STK32A: variants seen among roughly 807,000 people sequenced by gnomAD.
STK32A encodes serine/threonine kinase 32A, also known as serine/threonine-protein kinase 32A.
A neutral mutation model predicts 53.2 loss-of-function variants in STK32A; 41 were observed. That is an observed-to-expected ratio of 0.77 (90% CI 0.60 to 1.00). The LOEUF (loss-of-function observed/expected upper bound fraction) is 1.00, where lower values mean the gene tolerates loss of function less well. Among genes scored for constraint, STK32A ranks in the 50% least tolerant of loss-of-function variants. The pLI, the probability that STK32A is intolerant of heterozygous loss-of-function variation, is 0.00. For missense variants in STK32A, 458 were observed against 485.8 expected, an observed-to-expected ratio of 0.94 and a Z score of 0.54; for synonymous variants, 166 against 162.8, an observed-to-expected ratio of 1.02 and a Z score of -0.15.
At chr5:147,401,369 T>C in the STK32A span, among the ~76,000 whole-genome samples, 1 of 152,210 alleles carries the variant, frequency 6.6e-6, no homozygotes, top group Non-Finnish European at 1.5e-5. Flanking sequence ...TAAAACAGGA[T>C]GGGGAAGAGC....
At chr5:147,333,018 C>T (rs1754947953) in intron 5 of STK32A, among the ~76,000 whole-genome samples, 2 of 152,150 alleles carry the variant, frequency 1.3e-5, no homozygotes, top group Non-Finnish European at 2.9e-5. Flanking sequence ...TTAATGGCTT[C>T]GTTAATATGC....
intron 8 of STK32A, among the ~76,000 whole-genome samples, chr5:147,362,087 C>T (rs1186194117): frequency 6.6e-6 from 1 of 152,080 alleles, no homozygotes; most frequent in African/African-American, 2.4e-5. Flanking sequence ...GAGTCATTTC[C>T]TTTTAAAGGA....
At chr5:147,320,841 A>G (rs905340890) in intron 4 of STK32A, among the ~76,000 whole-genome samples, 27 of 152,196 alleles carry the variant, frequency 1.8e-4, no homozygotes, top group African/African-American at 6.5e-4. Context: ...TGGAAGGAAA[A>G]GATCTTCAAG....
chr5:147,288,426 T>A (rs1365112640), intron 4 of STK32A, among the ~76,000 whole-genome samples: 1 of 152,204 alleles, frequency 6.6e-6, no homozygotes, highest in East Asian at 1.9e-4. Flanking sequence ...TGTGAGTGTA[T>A]TAGTCAGTTC....
At chr5:147,254,172 T>C (rs948474885) in intron 2 of STK32A, among the ~76,000 whole-genome samples, 1 of 152,182 alleles carries the variant, frequency 6.6e-6, no homozygotes, top group Non-Finnish European at 1.5e-5. Context: ...ACATGTTATA[T>C]CTGCAACAAC....
At chr5:147,248,639 A>G (rs1753855599) in intron 2 of STK32A, among the ~76,000 whole-genome samples, 1 of 152,212 alleles carries the variant, frequency 6.6e-6, no homozygotes, top group Admixed American at 6.5e-5. Flanking sequence ...GAAATTGTCA[A>G]TATATTTCTG....
intron 4 of STK32A, among the ~76,000 whole-genome samples, chr5:147,307,430 G>A (rs1348560419): frequency 6.6e-6 from 1 of 151,872 alleles, no homozygotes; most frequent in African/African-American, 2.4e-5. Context: ...AGACAAGCCT[G>A]GCCAACATGG....
At position 147,282,549 on chromosome 5, in the gene STK32A, AC is replaced by A. The variant is rs201440997; in HGVS notation, c.260+3153del. On this transcript the variant is annotated intron_variant, in intron 4 of 12. Coordinates refer to ENST00000397936, the MANE Select transcript of STK32A (RefSeq NM_001112724.2). Reference sequence around the variant, plus strand: ...ACTATGTGCTGCCTTCAGGAGACTCACCTAGTACATAAGTACTCACATAAAC... The same window carrying A: ...ACTATGTGCTGCCTTCAGGAGACTCACTAGTACATAAGTACTCACATAAAC... Among the ~76,000 whole-genome samples, 135 of 152,314 alleles carry A rather than the reference AC, an allele frequency of 8.9e-4. 1 individual carries two copies. The East Asian group carries it at 0.023, about 26-fold the overall frequency.
At chr5:147,286,907 C>T (rs1404159260) in intron 4 of STK32A, among the ~76,000 whole-genome samples, 4 of 152,038 alleles carry the variant, frequency 2.6e-5, no homozygotes, top group Non-Finnish European at 4.4e-5. Flanking sequence ...ATGAACTGCA[C>T]GGGAGGAACT....
chr5:147,312,266 A>ATT (rs200386971), intron 4 of STK32A, among the ~76,000 whole-genome samples: 7 of 151,360 alleles, frequency 4.6e-5, no homozygotes, highest in Non-Finnish European at 8.8e-5. Context: ...TGCCCAGCTA[A>ATT]TTTTTTTTTG....
intron 11 of STK32A, among the ~76,000 whole-genome samples, chr5:147,380,021 C>A (rs183701201): frequency 6.6e-6 from 1 of 152,158 alleles, no homozygotes; most frequent in East Asian, 1.9e-4. Flanking sequence ...GAACATGAAC[C>A]CTTTAAGGGT....
intron 4 of STK32A, among the ~76,000 whole-genome samples, chr5:147,292,556 C>CA (rs1752647087): frequency 6.6e-6 from 1 of 152,144 alleles, no homozygotes; most frequent in Non-Finnish European, 1.5e-5. Flanking sequence ...ATGTTCCAAA[C>CA]AAAAAAAGTC....
chr5:147,276,259 A>G (rs541328814), intron 2 of STK32A, among the ~76,000 whole-genome samples: 2 of 152,292 alleles, frequency 1.3e-5, no homozygotes, highest in African/African-American at 4.8e-5. Flanking sequence ...CAAAAAACAT[A>G]TCATGACATA....
At chr5:147,308,727 G>GTT (rs35290735) in intron 4 of STK32A, among the ~76,000 whole-genome samples, 1 of 144,290 alleles carries the variant, frequency 6.9e-6, no homozygotes, top group Non-Finnish European at 1.5e-5. Context: ...GTCACTAGAA[G>GTT]TTTTTTTTTT....
intron 7 of STK32A, among the ~76,000 whole-genome samples, chr5:147,352,513 G>A (rs960166019): frequency 1.3e-5 from 2 of 152,154 alleles, no homozygotes; most frequent in Non-Finnish European, 2.9e-5. Context: ...TTCCCGTCCA[G>A]CCTCAACAAT....
intron 1 of STK32A, among the ~76,000 whole-genome samples, chr5:147,237,513 G>A (rs1753373923): frequency 6.6e-6 from 1 of 152,022 alleles, no homozygotes; most frequent in Non-Finnish European, 1.5e-5. Context: ...TCCCTTGTCT[G>A]CTGGAGTTAA....
intron 2 of STK32A, among the ~76,000 whole-genome samples, chr5:147,242,390 G>A (rs1216840168): frequency 6.6e-6 from 1 of 152,204 alleles, no homozygotes; most frequent in Non-Finnish European, 1.5e-5. Flanking sequence ...ATGTTCTGAT[G>A]ATGGAAGGCT....
intron 5 of STK32A, among the ~76,000 whole-genome samples, chr5:147,327,209 G>A (rs1472944009): frequency 2.0e-5 from 3 of 152,116 alleles, no homozygotes; most frequent in Non-Finnish European, 4.4e-5. Context: ...GAACTCCTGG[G>A]CCAGAGAGTG....
rs1405235794 is a variant in STK32A, at chr5:147,351,157, A to G, written c.562+3A>G. On this transcript the variant is annotated splice_donor_region_variant and intron_variant, in intron 7 of 12. Transcript: ENST00000397936. ...GGCTGGCACCAAGCCTTACATGGGT[A>G]TGGGTTTCATGAGTGTCTTTTTTTT... The G allele has an allele frequency of 6.2e-7, 1 of 1,609,236 alleles. No individual in the cohort carries two copies. The highest frequency in any genetic ancestry group is 8.5e-7 in the Non-Finnish European group (1 of 1,176,310).
Sources: allele counts gnomAD v4.1 joint callset (sites outside exome capture counted in the v4.1 genomes callset), GRCh38; gene constraint gnomAD v4.1.1; transcripts MANE v1.5; gene names NCBI Gene and HGNC (gene_info 2026-07-23, HGNC 2026-07-21).